The following PRKCE variants were observed in gnomAD, a reference collection of about 807,000 sequenced individuals.
The protein encoded by PRKCE is protein kinase C epsilon.
A neutral mutation model predicts 85.4 loss-of-function variants in PRKCE; 16 were observed. The observed-to-expected ratio is 0.19, with a 90% CI of 0.13 to 0.28. The LOEUF is 0.28. PRKCE is among the 10% of genes least tolerant of loss of function. The probability of loss-of-function intolerance (pLI) is 1.00; values close to 1 mark genes in which losing one functional copy is unlikely to be tolerated. For synonymous variants in PRKCE, 388 were observed against 371.5 expected, an observed-to-expected ratio of 1.04 and a Z score of -0.51; for missense variants, 573 against 975.2, an observed-to-expected ratio of 0.59 and a Z score of 5.49.
At chr2:45,932,565 G>T (rs1014001330) in intron 2 of PRKCE, among the ~76,000 whole-genome samples, 1 of 152,082 alleles carries the variant, frequency 6.6e-6, no homozygotes, top group African/African-American at 2.4e-5. Flanking sequence ...GCCAAAACTT[G>T]GGATTATTCA....
chr2:46,151,292 C>A (rs1176280196), intron 13 of PRKCE, 63 bp downstream of exon 13: 3 of 1,018,394 alleles, frequency 2.9e-6, no homozygotes, highest in East Asian at 2.6e-5. Context: ...CACACACACA[C>A]ACACACACAC....
At chr2:46,144,066 C>T (rs1361438874) in intron 11 of PRKCE, among the ~76,000 whole-genome samples, 1 of 152,208 alleles carries the variant, frequency 6.6e-6, no homozygotes, top group African/African-American at 2.4e-5. Flanking sequence ...AGTCTGGGTT[C>T]TTCTACCGTG....
chr2:45,980,120 A>T (rs1047269372), intron 4 of PRKCE, among the ~76,000 whole-genome samples, 176 bp from the exon 5 acceptor site: 77 of 152,208 alleles, frequency 5.1e-4, no homozygotes, highest in African/African-American at 1.8e-3. Flanking sequence ...GATGGCTCTG[A>T]TAGGACAGTG....
intron 1 of PRKCE, among the ~76,000 whole-genome samples, chr2:45,822,637 C>G (rs1033343159): frequency 1.3e-5 from 2 of 152,176 alleles, no homozygotes; most frequent in African/African-American, 4.8e-5. Flanking sequence ...ACCTGGGTAA[C>G]TAAGAACAGC....
intron 1 of PRKCE, among the ~76,000 whole-genome samples, chr2:45,710,971 C>T (rs1021095171): frequency 1.3e-5 from 2 of 152,224 alleles, no homozygotes; most frequent in African/African-American, 4.8e-5. Context: ...CAGGCAAAAA[C>T]ATATTCCATC....
At chr2:45,995,833 TTGGGTCTTTTGCC>T (rs1224652378) in intron 6 of PRKCE, among the ~76,000 whole-genome samples, 1 of 152,208 alleles carries the variant, frequency 6.6e-6, no homozygotes, top group South Asian at 2.1e-4. Flanking sequence ...AGCCTTTTGC[TTGGGTCTTTTGCC>T]TGGGTCTTTT....
intron 1 of PRKCE, among the ~76,000 whole-genome samples, chr2:45,765,160 A>G (rs1338159928): frequency 6.6e-6 from 1 of 152,224 alleles, no homozygotes; most frequent in Non-Finnish European, 1.5e-5. Context: ...AGCCATGCAT[A>G]ACTCTAAGCC....
intron 2 of PRKCE, among the ~76,000 whole-genome samples, chr2:45,854,256 C>G (rs1692502326): frequency 2.0e-5 from 3 of 152,146 alleles, no homozygotes; most frequent in African/African-American, 7.2e-5. Flanking sequence ...TCTGACTACA[C>G]AAAACAAGTA....
At chr2:45,715,363 CT>C (rs1250174535) in intron 1 of PRKCE, among the ~76,000 whole-genome samples, 2 of 152,218 alleles carry the variant, frequency 1.3e-5, no homozygotes, top group Admixed American at 6.5e-5. Flanking sequence ...CTTGACACCC[CT>C]GATAGGTGCT....
chr2:45,662,946 T>A (rs1044434549), intron 1 of PRKCE, among the ~76,000 whole-genome samples: 1 of 152,182 alleles, frequency 6.6e-6, no homozygotes, highest in African/African-American at 2.4e-5. Flanking sequence ...TCTGCACTGA[T>A]GATTATCTCA....
At chr2:46,137,504 A>AAC (rs1675113778) in intron 11 of PRKCE, among the ~76,000 whole-genome samples, 3 of 151,656 alleles carry the variant, frequency 2.0e-5, no homozygotes, top group Non-Finnish European at 4.4e-5. Flanking sequence ...TAATCCTAGC[A>AAC]CTTCGGGAGG....
At chr2:45,675,134 C>T (rs1056676539) in intron 1 of PRKCE, among the ~76,000 whole-genome samples, 1 of 152,112 alleles carries the variant, frequency 6.6e-6, no homozygotes, top group Admixed American at 6.6e-5. Flanking sequence ...GGAGACTGGA[C>T]CTCATCAATT....
chr2:45,999,723 C>T lies in PRKCE; in HGVS notation c.824-1681C>T, dbSNP rs556288012. 3.3e-4 allele frequency among the ~76,000 whole-genome samples: 50 copies of T among 152,108 alleles called. 2 individuals carry two copies. In the South Asian group the frequency reaches 9.6e-3, roughly 29 times the overall value. ...TTTTCTGTTCCTTTCTCTTTCTTCTCGTAGTGGTAGTCTCTTTTTGCATAT... is the reference window on the plus strand; with the variant it reads ...TTTTCTGTTCCTTTCTCTTTCTTCTTGTAGTGGTAGTCTCTTTTTGCATAT... On this transcript the variant is annotated intron_variant, in intron 6 of 14. Transcript: ENST00000306156.
At chr2:45,702,851 C>T (rs1438337297) in intron 1 of PRKCE, among the ~76,000 whole-genome samples, 8 of 152,154 alleles carry the variant, frequency 5.3e-5, no homozygotes. Flanking sequence ...ACACCTTACT[C>T]TGGGAGTAGA....
intron 1 of PRKCE, among the ~76,000 whole-genome samples, chr2:45,733,917 T>C (rs1424594162): frequency 6.6e-6 from 1 of 152,174 alleles, no homozygotes; most frequent in East Asian, 1.9e-4. Context: ...ATGGCATTCA[T>C]TGTGTAGCAG....
chr2:46,033,480 A>G (rs1707668545), intron 10 of PRKCE, among the ~76,000 whole-genome samples: 1 of 152,132 alleles, frequency 6.6e-6, no homozygotes, highest in Admixed American at 6.5e-5. Flanking sequence ...TTAATTGGCA[A>G]ATTGTAGGTC....
At chr2:45,977,862 C>T (rs1435346018) in intron 3 of PRKCE, among the ~76,000 whole-genome samples, 1 of 152,166 alleles carries the variant, frequency 6.6e-6, no homozygotes, top group African/African-American at 2.4e-5. Flanking sequence ...GCTGTCTGAG[C>T]TCTTTGAAGC....
chr2:45,928,439 T>C (rs1353816466), intron 2 of PRKCE, among the ~76,000 whole-genome samples: 1 of 152,130 alleles, frequency 6.6e-6, no homozygotes, highest in Non-Finnish European at 1.5e-5. Flanking sequence ...AGCTAATTTT[T>C]TGTATTTTTA....
intron 1 of PRKCE, among the ~76,000 whole-genome samples, chr2:45,731,535 A>G (rs995575058): frequency 1.3e-5 from 2 of 152,174 alleles, no homozygotes; most frequent in African/African-American, 4.8e-5. Context: ...AAAGAGACTC[A>G]GAGACATTAA....
Sources: gnomAD v4.1 joint callset for allele counts (sites outside exome capture counted in the v4.1 genomes callset) on GRCh38, gnomAD v4.1.1 for gene constraint, MANE v1.5 for transcripts, NCBI Gene and HGNC (gene_info 2026-07-23, HGNC 2026-07-21) for gene names.